HEXB: variants seen among roughly 807,000 people sequenced by gnomAD.
HEXB encodes beta-hexosaminidase subunit beta.
HEXB carries 51 observed loss-of-function variants against 71.2 expected under a neutral mutation model. The ratio of observed to expected loss-of-function variants is 0.72; its 90% CI spans 0.57 to 0.90. The LOEUF (loss-of-function observed/expected upper bound fraction) is 0.90. HEXB is among the 40% of genes least tolerant of loss of function. The pLI is 0.00. For missense variants in HEXB, 617 were observed against 677.0 expected (o/e 0.91, Z 0.98); for synonymous variants, 266 against 249.3 (o/e 1.07, Z -0.63).
At chr5:74,663,113 G>A (rs77368290) in intron 1 of HEXB, among the ~76,000 whole-genome samples, 2,846 of 152,084 alleles carry the variant, frequency 0.019, 46 homozygotes, top group Non-Finnish European at 0.027. Context: ...ACCCAAGAAC[G>A]CATATGGGCA....
chr5:74,705,239 G>T lies in HEXB; in HGVS notation c.690G>T (p.Lys230Asn). ...TGCAGGATGCCATGGCTTTTAATAAGTTTAATGTTCTTCACTGGCACATAG... is the reference window on the plus strand; with the variant it reads ...TGCAGGATGCCATGGCTTTTAATAATTTTAATGTTCTTCACTGGCACATAG... ...LKTLDAMAFN[K>N]FNVLHWHIVD... Residue 230 changes from lysine (K) to asparagine (N), a missense_variant, in exon 6 of 14, where the codon AAG becomes AAT. Coordinates refer to ENST00000261416, the MANE Select transcript of HEXB (RefSeq NM_000521.4). The T allele has an allele frequency of 6.2e-7, 1 of 1,610,064 alleles. No individual in the cohort carries two copies. The highest frequency in any genetic ancestry group is 1.1e-5 in the South Asian group (1 of 91,016).
chr5:74,698,727 T>A (rs1749177930), intron 5 of HEXB, among the ~76,000 whole-genome samples: 1 of 152,128 alleles, frequency 6.6e-6, no homozygotes, highest in Admixed American at 6.6e-5. Flanking sequence ...TACTCTGAAT[T>A]TTTTCTCCAA....
chr5:74,674,737 A>T (rs1254399740), intron 1 of HEXB, among the ~76,000 whole-genome samples: 1 of 152,136 alleles, frequency 6.6e-6, no homozygotes, highest in African/African-American at 2.4e-5. Flanking sequence ...AGAAGTTGTA[A>T]GCATATGTGA....
intron 1 of HEXB, among the ~76,000 whole-genome samples, chr5:74,671,121 G>C (rs1436034234): frequency 6.6e-6 from 1 of 151,962 alleles, no homozygotes; most frequent in Non-Finnish European, 1.5e-5. Context: ...CAGAAAGACT[G>C]ATGGTAAAAA....
At chr5:74,721,034 T>C in intron 13 of HEXB, 84 bp from the exon 14 acceptor site, 1 of 1,142,480 alleles carries the variant, frequency 8.8e-7, no homozygotes, top group Non-Finnish European at 1.3e-6. Flanking sequence ...GTTTCTAAGA[T>C]GACATGAATA....
chr5:74,695,208 T>C (rs963967670), intron 3 of HEXB, among the ~76,000 whole-genome samples: 1 of 146,140 alleles, frequency 6.8e-6, no homozygotes, highest in African/African-American at 2.5e-5. Context: ...ACGCTTTTTT[T>C]TTTTTTTTTT....
At chr5:74,667,148 C>G (rs1190482599) in intron 1 of HEXB, among the ~76,000 whole-genome samples, 3 of 152,102 alleles carry the variant, frequency 2.0e-5, no homozygotes, top group Non-Finnish European at 4.4e-5. Flanking sequence ...GGCACAGTGG[C>G]TCACGTCTGT....
intron 7 of HEXB, among the ~76,000 whole-genome samples, chr5:74,714,301 T>G (rs949387399): frequency 1.3e-5 from 2 of 152,174 alleles, no homozygotes; most frequent in African/African-American, 4.8e-5. Flanking sequence ...AGCAAGTCAT[T>G]GTGATTAGGT....
chr5:74,666,269 C>A (rs570883368), intron 1 of HEXB, among the ~76,000 whole-genome samples: 1 of 152,336 alleles, frequency 6.6e-6, no homozygotes, highest in South Asian at 2.1e-4. Flanking sequence ...CAACAAAGGA[C>A]AAAACACCCT....
chr5:74,694,800 A>T (rs1205715814), intron 3 of HEXB, among the ~76,000 whole-genome samples: 1 of 145,756 alleles, frequency 6.9e-6, no homozygotes, highest in Non-Finnish European at 1.5e-5. Flanking sequence ...TCCCATCTCT[A>T]CTAAAAATAC....
At position 74,655,086 on chromosome 5, in the gene HEXB, G is replaced by A. The variant is rs1488300032; in HGVS notation, c.-377+14528G>A. On this transcript the variant is annotated intron_variant, in intron 1 of 13. Transcript: ENST00000511181. ...CCCCCCAAGAGAGGCTCCCAGAGAGGGTGGAGGTGAGTGTAGCACTGGGAA... is the reference window on the plus strand; with the variant it reads ...CCCCCCAAGAGAGGCTCCCAGAGAGAGTGGAGGTGAGTGTAGCACTGGGAA... Among the ~76,000 whole-genome samples, 7 of 150,420 alleles carry A rather than the reference G, an allele frequency of 4.7e-5. No individual in the cohort carries two copies. In the East Asian group the frequency reaches 1.4e-3, roughly 29 times the overall value.
At chr5:74,683,714 G>A (rs1748781624), upstream of HEXB, among the ~76,000 whole-genome samples, 1 of 152,056 alleles carries the variant, frequency 6.6e-6, no homozygotes, top group Admixed American at 6.6e-5. Context: ...AGGTCAGAAA[G>A]ATCTTCTGAC....
At chr5:74,642,421 T>C (rs879449363) in intron 1 of HEXB, among the ~76,000 whole-genome samples, 1 of 152,104 alleles carries the variant, frequency 6.6e-6, no homozygotes, top group Non-Finnish European at 1.5e-5. Context: ...ACCAGACAGA[T>C]GGAAACTCTG....
In HEXB at chr5:74,661,234, A is replaced by G. The variant is rs79454547; in HGVS notation, c.-377+20676A>G. On this transcript the variant is annotated intron_variant, in intron 1 of 13. Transcript: ENST00000511181. ...ATCACCCTAGCCTTCCAGAAGCTGA[A>G]CATAAATCGAAATCCACAGTCCTTG... Among the ~76,000 whole-genome samples the G allele has an allele frequency of 1.7e-3, 254 of 152,332 alleles. 3 individuals are homozygous for G. The highest frequency in any genetic ancestry group is 3.3e-3 in the Admixed American group (50 of 15,306).
At chr5:74,672,825 TAG>T (rs1748564099) in intron 1 of HEXB, among the ~76,000 whole-genome samples, 1 of 152,078 alleles carries the variant, frequency 6.6e-6, no homozygotes, top group Non-Finnish European at 1.5e-5. Flanking sequence ...AGACAAATCG[TAG>T]AGAGTGGAAG....
chr5:74,664,925 A>G (rs1748406239), intron 1 of HEXB, among the ~76,000 whole-genome samples: 1 of 152,226 alleles, frequency 6.6e-6, no homozygotes, highest in African/African-American at 2.4e-5. Context: ...GGAGGGCACG[A>G]CATATCCCAT....
At chr5:74,663,351 T>C (rs575152296) in intron 1 of HEXB, among the ~76,000 whole-genome samples, 49 of 149,856 alleles carry the variant, frequency 3.3e-4, no homozygotes, top group Non-Finnish European at 6.2e-4. Flanking sequence ...CCACCACACC[T>C]GGCTAATTTT....
intron 2 of HEXB, 183 bp downstream of exon 2, chr5:74,689,656 A>G (rs1748952415): frequency 1.6e-6 from 1 of 632,720 alleles, no homozygotes; most frequent in Admixed American, 2.7e-5. Flanking sequence ...TGGAAAATTT[A>G]TTAAGTACAG....
At chr5:74,657,737 T>G (rs56909325) in intron 1 of HEXB, among the ~76,000 whole-genome samples, 12,652 of 152,284 alleles carry the variant, frequency 0.083, 1,783 homozygotes, top group African/African-American at 0.29. Flanking sequence ...TTGTTATTTG[T>G]GTAGTCACAT....
Sources: gnomAD v4.1 joint callset for allele counts (sites outside exome capture counted in the v4.1 genomes callset) on GRCh38, gnomAD v4.1.1 for gene constraint, MANE v1.5 for transcripts, NCBI Gene and HGNC (gene_info 2026-07-23, HGNC 2026-07-21) for gene names.